Variants in DNER observed in about 807,000 individuals in gnomAD.
DNER encodes delta and Notch-like epidermal growth factor-related receptor.
DNER carries 33 observed loss-of-function variants against 78.2 expected under a neutral mutation model. The observed-to-expected ratio is 0.42, with a 90% CI of 0.32 to 0.56. The LOEUF (loss-of-function observed/expected upper bound fraction) is 0.56. Among genes scored for constraint, DNER ranks in the 20% least tolerant of loss-of-function variants. The probability of loss-of-function intolerance (pLI) is 0.11; values close to 1 mark genes in which losing one functional copy is unlikely to be tolerated. For synonymous variants in DNER, 417 were observed against 384.8 expected (o/e 1.08, Z -0.98); for missense variants, 918 against 975.3 (o/e 0.94, Z 0.78).
intron 8 of DNER, among the ~76,000 whole-genome samples, chr2:229,445,444 C>T (rs753029451): frequency 2.6e-5 from 4 of 152,222 alleles, no homozygotes; most frequent in Admixed American, 6.5e-5. Flanking sequence ...TAGTTCATTT[C>T]GGGTGTCAAC....
At chr2:229,483,161 T>C (rs75263585) in intron 6 of DNER, among the ~76,000 whole-genome samples, 2,054 of 152,268 alleles carry the variant, frequency 0.013, 115 homozygotes, top group Admixed American at 0.097. Context: ...AGAATCACCC[T>C]GGATGCCCAG....
At chr2:229,675,016 T>C (rs1223117946) in intron 1 of DNER, among the ~76,000 whole-genome samples, 2 of 151,992 alleles carry the variant, frequency 1.3e-5, no homozygotes, top group Admixed American at 6.5e-5. Context: ...CACATTGTTC[T>C]GGAAGGTGGC....
chr2:229,532,671 G>C (rs1696328370), intron 5 of DNER, among the ~76,000 whole-genome samples: 1 of 152,224 alleles, frequency 6.6e-6, no homozygotes. Flanking sequence ...CAATTTCCTG[G>C]AAAGCAACTG....
intron 8 of DNER, among the ~76,000 whole-genome samples, chr2:229,421,798 T>C (rs1034039872): frequency 1.2e-4 from 19 of 152,044 alleles, no homozygotes; most frequent in Non-Finnish European, 2.2e-4. Flanking sequence ...ACCTTTTCAA[T>C]TGCATTTGCC....
At chr2:229,451,987 GGAGAGAGCCAATATTTCAATAAGAA>G (rs1326390949) in intron 7 of DNER, among the ~76,000 whole-genome samples, 1 of 152,180 alleles carries the variant, frequency 6.6e-6, no homozygotes, top group East Asian at 1.9e-4. Context: ...TCATGGCTTT[GGAGAGAGCCAATATTTCAATAAGAA>G]GAGAAGTGCA....
At chr2:229,555,540 A>T (rs1696840600) in intron 4 of DNER, among the ~76,000 whole-genome samples, 1 of 152,156 alleles carries the variant, frequency 6.6e-6, no homozygotes, top group Non-Finnish European at 1.5e-5. Context: ...CTCAGGCGTA[A>T]AACATCATGT....
chr2:229,397,201 C>T (rs2106339921), intron 10 of DNER, among the ~76,000 whole-genome samples: 1 of 151,876 alleles, frequency 6.6e-6, no homozygotes, highest in Non-Finnish European at 1.5e-5. Flanking sequence ...AAGAAAATTC[C>T]AAGAAGTTGA....
Position 229,509,135 on chromosome 2 carries a change from G to A in DNER, c.1147+3648C>T, listed in dbSNP as rs190764660. On this transcript the variant is annotated intron_variant, in intron 6 of 12. Transcript: ENST00000341772. The stretch of plus-strand genomic sequence containing the variant: ...ACAAGATCGGAGAGTGCCACAGACC[G>A]GGTGTTATCATCAATTCAATTCTGT... 5.1e-3 allele frequency among the ~76,000 whole-genome samples: 769 copies of A among 152,150 alleles called. 8 individuals carry two copies. The highest frequency in any genetic ancestry group is 0.017 in the African/African-American group (719 of 41,514).
chr2:229,634,896 C>T (rs1480609086), intron 1 of DNER, among the ~76,000 whole-genome samples: 1 of 152,186 alleles, frequency 6.6e-6, no homozygotes, highest in Non-Finnish European at 1.5e-5. Context: ...CCCTTCAGGG[C>T]CCAACCCAAA....
intron 1 of DNER, among the ~76,000 whole-genome samples, chr2:229,630,524 A>AAT (rs1434299768): frequency 2.9e-5 from 4 of 138,088 alleles, no homozygotes; most frequent in South Asian, 2.4e-4. Context: ...ATAATAATAA[A>AAT]ATCTTCTGGC....
At chr2:229,403,200 A>T (rs1009943843) in intron 10 of DNER, among the ~76,000 whole-genome samples, 1 of 152,232 alleles carries the variant, frequency 6.6e-6, no homozygotes, top group Non-Finnish European at 1.5e-5. Flanking sequence ...AACCTCAGGT[A>T]CAATGAAAGA....
chr2:229,601,031 C>T (rs551137002), intron 1 of DNER, among the ~76,000 whole-genome samples: 1 of 152,306 alleles, frequency 6.6e-6, no homozygotes, highest in African/African-American at 2.4e-5. Context: ...GTTCCAGTCT[C>T]ATTTGCAGGT....
rs74181354 is a variant in DNER at position 229,700,284 on chromosome 2, ATGTG to A, written c.276+13860_276+13863del. Among the ~76,000 whole-genome samples the A allele has an allele frequency of 6.1e-3, 224 of 36,572 alleles. No homozygotes were observed. The East Asian group carries it at 0.075, about 12-fold the overall frequency. The allele number at this position is 36,572 out of a possible 152,430, so 24.0% of individuals were successfully genotyped here. ...AATGTATATACATTTATGTCAATAT[ATGTG>A]TGTGTGTGTGTGTGTGTGTGTGTGT... is the stretch of plus-strand genomic sequence containing the variant. On this transcript the variant is annotated intron_variant, in intron 1 of 12. Transcript: ENST00000341772.
chr2:229,506,885 C>T (rs1479610245), intron 6 of DNER, among the ~76,000 whole-genome samples: 4 of 152,070 alleles, frequency 2.6e-5, no homozygotes, highest in East Asian at 3.9e-4. Flanking sequence ...TCATGCATTG[C>T]GTAATGATGG....
intron 1 of DNER, among the ~76,000 whole-genome samples, chr2:229,595,313 C>T (rs1314204841): frequency 6.6e-6 from 1 of 150,862 alleles, no homozygotes; most frequent in African/African-American, 2.4e-5. Context: ...TGGAGTTTCA[C>T]TCTTGTTGCC....
At chr2:229,414,223 CA>C in intron 9 of DNER, among the ~76,000 whole-genome samples, 1 of 152,266 alleles carries the variant, frequency 6.6e-6, no homozygotes, top group Admixed American at 6.5e-5. Context: ...CTGTTTTCAG[CA>C]GCCTTATTTA....
At chr2:229,446,452 G>T (rs1210497786) in intron 8 of DNER, among the ~76,000 whole-genome samples, 1 of 152,182 alleles carries the variant, frequency 6.6e-6, no homozygotes, top group African/African-American at 2.4e-5. Flanking sequence ...CGGGGAGCAC[G>T]CATTCCAGCT....
intron 4 of DNER, among the ~76,000 whole-genome samples, chr2:229,582,383 C>T (rs1319412985): frequency 1.3e-5 from 2 of 152,078 alleles, no homozygotes; most frequent in Admixed American, 6.5e-5. Flanking sequence ...GGAACCTGGC[C>T]ATCCCTCCCC....
Position 229,631,887 on chromosome 2 carries a change from C to T in DNER, c.277-39999G>A, listed in dbSNP as rs1388605775. 3.3e-5 allele frequency among the ~76,000 whole-genome samples: 5 copies of T among 152,280 alleles called. No homozygotes were observed. In the East Asian group the frequency reaches 5.8e-4, roughly 18 times the overall value. On this transcript the variant is annotated intron_variant, in intron 1 of 12. Coordinates refer to ENST00000341772, the MANE Select transcript of DNER (RefSeq NM_139072.4). ...TCATAGGGTTGTCTTAAGAATTAAA[C>T]GAGCTAACAAAAGTAACTGGCACAC...
Sources: allele counts gnomAD v4.1 joint callset (sites outside exome capture counted in the v4.1 genomes callset), GRCh38; gene constraint gnomAD v4.1.1; transcripts MANE v1.5; gene names NCBI Gene and HGNC (gene_info 2026-07-23, HGNC 2026-07-21).